MALRD1: variants seen among roughly 807,000 people sequenced by gnomAD.
MALRD1 encodes MAM and LDL receptor class A domain containing 1.
In MALRD1, 247 loss-of-function variants were observed where a neutral mutation model predicts 242.1. The ratio of observed to expected loss-of-function variants is 1.02; its 90% CI spans 0.92 to 1.13. MALRD1 has a LOEUF of 1.13. Among genes scored for constraint, MALRD1 ranks in the 50% most tolerant of loss-of-function variants. The pLI is 0.00. For synonymous variants in MALRD1, 995 were observed against 866.6 expected (o/e 1.15, Z -2.60); for missense variants, 2,989 against 2,533.1 (o/e 1.18, Z -3.86).
rs533508343 is a variant in MALRD1, at chr10:19,328,145, A to T, written c.3687+472A>T. ...TGTAATGCTGTATTTGTCTTCATGG[A>T]ATTTGTGATAGTAGTAAGAGGATCA... On this transcript the variant is annotated intron_variant, in intron 23 of 39. Transcript: ENST00000454679. Among the ~76,000 whole-genome samples the T allele has an allele frequency of 3.3e-5, 5 of 152,250 alleles. No homozygotes were observed. The South Asian group carries it at 8.3e-4, about 25-fold the overall frequency.
intron 18 of MALRD1, among the ~76,000 whole-genome samples, chr10:19,218,208 G>C (rs1837406957): frequency 6.6e-6 from 1 of 151,762 alleles, no homozygotes; most frequent in African/African-American, 2.4e-5. Flanking sequence ...CTCTGTTTTG[G>C]CTTATTGTTC....
intron 29 of MALRD1, among the ~76,000 whole-genome samples, chr10:19,472,615 A>G (rs890441415): frequency 1.3e-5 from 2 of 151,716 alleles, no homozygotes; most frequent in Non-Finnish European, 2.9e-5. Context: ...CTCTTTCTTC[A>G]TGATTCAGTC....
At chr10:19,359,676 GA>G (rs965280808) in intron 26 of MALRD1, among the ~76,000 whole-genome samples, 2 of 145,994 alleles carry the variant, frequency 1.4e-5, no homozygotes, top group African/African-American at 2.5e-5. Flanking sequence ...CAAAGCAAGT[GA>G]AAAAAAAAGA....
At chr10:19,699,203 TATAATAATA>T (rs149007944) in intron 38 of MALRD1, among the ~76,000 whole-genome samples, 2 of 147,286 alleles carry the variant, frequency 1.4e-5, no homozygotes, top group South Asian at 2.1e-4. Context: ...GAACTTAAAG[TATAATAATA>T]ATAATAATAA....
intron 21 of MALRD1, among the ~76,000 whole-genome samples, chr10:19,308,394 A>C (rs1035579863): frequency 2.0e-5 from 3 of 151,566 alleles, no homozygotes; most frequent in Admixed American, 6.6e-5. Flanking sequence ...TACTCATTCT[A>C]CAGTGATGTA....
At chr10:19,341,949 A>G (rs2130960566) in intron 24 of MALRD1, among the ~76,000 whole-genome samples, 1 of 151,582 alleles carries the variant, frequency 6.6e-6, no homozygotes, top group East Asian at 2.0e-4. Flanking sequence ...TTTTGAGTTG[A>G]TGTGTTCACA....
chr10:19,582,096 G>A (rs1268713389), intron 33 of MALRD1, among the ~76,000 whole-genome samples: 1 of 151,838 alleles, frequency 6.6e-6, no homozygotes, highest in Non-Finnish European at 1.5e-5. Context: ...AAATTTGTTT[G>A]AGTTCATTGT....
At chr10:19,719,949 T>C (rs996287118) in intron 38 of MALRD1, among the ~76,000 whole-genome samples, 7 of 152,180 alleles carry the variant, frequency 4.6e-5, no homozygotes, top group Non-Finnish European at 1.0e-4. Context: ...AGTTGTCAGA[T>C]AACATGGTAT....
At chr10:19,699,089 C>T (rs1833502347) in intron 38 of MALRD1, among the ~76,000 whole-genome samples, 1 of 151,868 alleles carries the variant, frequency 6.6e-6, no homozygotes, top group Non-Finnish European at 1.5e-5. Flanking sequence ...ATACCTAATG[C>T]CTGCAAGGCT....
chr10:19,506,188 G>T (rs1317262806), intron 31 of MALRD1, among the ~76,000 whole-genome samples: 1 of 152,144 alleles, frequency 6.6e-6, no homozygotes, highest in Non-Finnish European at 1.5e-5. Flanking sequence ...TCTTTCTGTT[G>T]ACTATTGAAA....
chr10:19,171,455 TATAC>T (rs72050316), intron 13 of MALRD1, among the ~76,000 whole-genome samples: 13,890 of 83,086 alleles, frequency 0.17, 1,291 homozygotes, highest in Middle Eastern at 0.24. Context: ...TATATATATA[TATAC>T]ACACATGTAT....
chr10:19,404,039 TA>T (rs896358970), intron 28 of MALRD1, among the ~76,000 whole-genome samples: 3 of 152,098 alleles, frequency 2.0e-5, no homozygotes, highest in Non-Finnish European at 4.4e-5. Flanking sequence ...GTGAGGTTTT[TA>T]AAAAATGTCT....
intron 28 of MALRD1, among the ~76,000 whole-genome samples, chr10:19,444,853 C>T (rs989773647): frequency 6.6e-6 from 1 of 152,132 alleles, no homozygotes; most frequent in Non-Finnish European, 1.5e-5. Context: ...TGAATGTTGG[C>T]CTGCCTTGCT....
intron 13 of MALRD1, among the ~76,000 whole-genome samples, chr10:19,174,898 C>T (rs377451302): frequency 6.6e-6 from 1 of 152,096 alleles, no homozygotes; most frequent in Non-Finnish European, 1.5e-5. Context: ...CAGTTGATTA[C>T]CCCAAAGAGC....
chr10:19,728,035 T>G (rs1835118002), intron 38 of MALRD1, among the ~76,000 whole-genome samples: 1 of 152,174 alleles, frequency 6.6e-6, no homozygotes, highest in African/African-American at 2.4e-5. Context: ...GTTTACCTTA[T>G]AAATAAATAG....
chr10:19,659,579 C>T (rs1335824476), intron 36 of MALRD1, among the ~76,000 whole-genome samples: 1 of 152,074 alleles, frequency 6.6e-6, no homozygotes, highest in African/African-American at 2.4e-5. Context: ...ATTCTCTTCA[C>T]CAGTTGTCTG....
chr10:19,700,994 C>A (rs1276213052), intron 38 of MALRD1, among the ~76,000 whole-genome samples: 2 of 152,094 alleles, frequency 1.3e-5, no homozygotes, highest in Admixed American at 1.3e-4. Flanking sequence ...CAAAAAAATA[C>A]AAAAATTAGC....
intron 18 of MALRD1, among the ~76,000 whole-genome samples, chr10:19,237,094 T>G (rs1347099191): frequency 6.6e-6 from 1 of 152,046 alleles, no homozygotes; most frequent in Non-Finnish European, 1.5e-5. Flanking sequence ...TAAGGATAGT[T>G]AGTGTATTAA....
At chr10:19,172,027 TC>T (rs767348796) in intron 13 of MALRD1, among the ~76,000 whole-genome samples, 5,898 of 39,126 alleles carry the variant, frequency 0.15, 442 homozygotes, top group Middle Eastern at 0.21. Context: ...ATATCATATA[TC>T]ACATATATGT....
Sources: allele counts gnomAD v4.1 joint callset (sites outside exome capture counted in the v4.1 genomes callset), GRCh38; gene constraint gnomAD v4.1.1; transcripts MANE v1.5; gene names NCBI Gene and HGNC (gene_info 2026-07-23, HGNC 2026-07-21).